The following PAPSS1 variants were observed in gnomAD, a reference collection of about 807,000 sequenced individuals.
PAPSS1 encodes 3'-phosphoadenosine 5'-phosphosulfate synthase 1.
A neutral mutation model predicts 72.0 loss-of-function variants in PAPSS1; 50 were observed. That is an observed-to-expected ratio of 0.69 (90% confidence interval 0.55 to 0.88). The LOEUF (loss-of-function observed/expected upper bound fraction) is 0.88, where lower values mean the gene tolerates loss of function less well. Among genes scored for constraint, PAPSS1 ranks in the 40% least tolerant of loss-of-function variants. The pLI, the probability that PAPSS1 is intolerant of heterozygous loss-of-function variation, is 0.00. For missense variants in PAPSS1, 657 were observed against 782.2 expected (o/e 0.84, Z 1.91); for synonymous variants, 261 against 263.6 (o/e 0.99, Z 0.09).
At chr4:107,683,932 C>T (rs1218193204) in intron 4 of PAPSS1, among the ~76,000 whole-genome samples, 1 of 150,918 alleles carries the variant, frequency 6.6e-6, no homozygotes, top group Admixed American at 6.7e-5. Context: ...ACTCCAGCAC[C>T]ATGGCAAACC....
intron 5 of PAPSS1, among the ~76,000 whole-genome samples, chr4:107,679,770 C>T (rs745880802): frequency 6.6e-6 from 1 of 151,800 alleles, no homozygotes; most frequent in Non-Finnish European, 1.5e-5. Context: ...CTTCCACCCC[C>T]CCAGATTCAA....
intron 5 of PAPSS1, among the ~76,000 whole-genome samples, chr4:107,668,189 C>A (rs1247019324): frequency 1.3e-5 from 2 of 152,174 alleles, no homozygotes; most frequent in Admixed American, 6.5e-5. Context: ...TGTGTGCAAA[C>A]CTCTCCCTAA....
At chr4:107,668,035 G>A (rs1727368709) in intron 5 of PAPSS1, among the ~76,000 whole-genome samples, 1 of 152,130 alleles carries the variant, frequency 6.6e-6, no homozygotes, top group Non-Finnish European at 1.5e-5. Context: ...CTACAGTTAG[G>A]GAACAACTGA....
intron 1 of PAPSS1, among the ~76,000 whole-genome samples, chr4:107,710,294 A>G (rs1026536008): frequency 1.3e-5 from 2 of 152,102 alleles, no homozygotes; most frequent in African/African-American, 4.8e-5. Context: ...CTTACTTAAT[A>G]GTCTGGGTGC....
At chr4:107,699,142 C>T (rs975354217) in intron 2 of PAPSS1, among the ~76,000 whole-genome samples, 80 of 151,808 alleles carry the variant, frequency 5.3e-4, no homozygotes, top group African/African-American at 1.9e-3. Flanking sequence ...AAAGAGTACC[C>T]AATATTCTAA....
chr4:107,692,578 G>C (rs538211815), intron 3 of PAPSS1, among the ~76,000 whole-genome samples: 6 of 152,160 alleles, frequency 3.9e-5, no homozygotes, highest in Non-Finnish European at 8.8e-5. Context: ...ACAGTGCAGT[G>C]AATCCTCAAA....
intron 5 of PAPSS1, among the ~76,000 whole-genome samples, chr4:107,666,906 G>A (rs1374783947): frequency 6.6e-6 from 1 of 152,086 alleles, no homozygotes; most frequent in Non-Finnish European, 1.5e-5. Context: ...CTCAGTTCTT[G>A]GCACAGAGCT....
At chr4:107,650,738 T>C (rs952042482) in intron 9 of PAPSS1, among the ~76,000 whole-genome samples, 3 of 152,128 alleles carry the variant, frequency 2.0e-5, no homozygotes, top group Admixed American at 6.5e-5. Flanking sequence ...AATGACTCCA[T>C]GGTTGGATGA....
chr4:107,657,055 G>T, intron 6 of PAPSS1, 48 bp from the exon 7 acceptor site: 1 of 1,174,288 alleles, frequency 8.5e-7, no homozygotes, highest in Non-Finnish European at 1.3e-6. Flanking sequence ...ATGTATATAT[G>T]AGCAAAAGCA....
At chr4:107,643,801 T>C (rs1413964431) in intron 10 of PAPSS1, among the ~76,000 whole-genome samples, 2 of 152,244 alleles carry the variant, frequency 1.3e-5, no homozygotes, top group Non-Finnish European at 2.9e-5. Flanking sequence ...CTATGAAAGA[T>C]GCACTTTTTC....
chr4:107,656,718 C>T (rs751524833), intron 7 of PAPSS1, among the ~76,000 whole-genome samples, 178 bp downstream of exon 7: 6 of 152,074 alleles, frequency 3.9e-5, no homozygotes, highest in Non-Finnish European at 5.9e-5. Context: ...CACGGAAAAA[C>T]GAAAATGAGA....
chr4:107,614,333 T>C lies in PAPSS1; in HGVS notation c.1791A>G (p.Glu597=), dbSNP rs765550593. 2.1e-5 allele frequency: 34 copies of C among 1,613,930 alleles called. No individual in the cohort carries two copies. The highest frequency in any genetic ancestry group is 2.7e-5 in the Non-Finnish European group (32 of 1,179,904). ...TGAAACCTTCAGGTGGTTTCTGGCCTTCTCGAGCAAGTTTGCGCATTCGTG... is the reference window on the plus strand; with the variant it reads ...TGAAACCTTCAGGTGGTTTCTGGCCCTCTCGAGCAAGTTTGCGCATTCGTG... The part of the protein sequence containing the change: ...SGTRMRKLAR[E]GQKPPEGFMA... The change falls in exon 12 of 12, where the codon GAA becomes GAG. Residue 597 remains glutamate, a synonymous_variant. Transcript: ENST00000265174.
chr4:107,645,018 C>T lies in PAPSS1; in HGVS notation c.1290G>A (p.Leu430=), dbSNP rs765053990. The T allele has an allele frequency of 1.9e-6, 3 of 1,607,562 alleles. No individual in the cohort carries two copies. In the South Asian group the frequency reaches 3.3e-5, roughly 18 times the overall value. ...LRNPVHNGHA[L]LMQDTHKQLL... ...GTTGCTTATGGGTATCCTGCATTAA[C>T]AGGGCATGTCCATTGTGCACTGGGT... is the stretch of plus-strand genomic sequence containing the variant. The change falls in exon 10 of 12, where the codon CTG becomes CTA. Residue 430 remains leucine, a synonymous_variant. Coordinates refer to ENST00000265174, the MANE Select transcript of PAPSS1 (RefSeq NM_005443.5).
chr4:107,680,680 G>A (rs1349849136), intron 5 of PAPSS1, among the ~76,000 whole-genome samples: 1 of 152,198 alleles, frequency 6.6e-6, no homozygotes, highest in Non-Finnish European at 1.5e-5. Context: ...ACAGTGGTGG[G>A]CTTTTAATCA....
intron 5 of PAPSS1, among the ~76,000 whole-genome samples, chr4:107,681,451 T>A (rs764507140): frequency 1.6e-4 from 24 of 152,036 alleles, no homozygotes; most frequent in Non-Finnish European, 3.2e-4. Context: ...CAGACTAAAG[T>A]CTGAAGGAAC....
intron 7 of PAPSS1, among the ~76,000 whole-genome samples, chr4:107,656,336 G>T (rs1727004813): frequency 6.6e-6 from 1 of 152,128 alleles, no homozygotes; most frequent in Non-Finnish European, 1.5e-5. Flanking sequence ...AGTTGGTCTT[G>T]AACTCCTGAC....
At chr4:107,662,107 G>T (rs999632512) in intron 5 of PAPSS1, among the ~76,000 whole-genome samples, 1 of 152,088 alleles carries the variant, frequency 6.6e-6, no homozygotes. Context: ...AAAAGAAAAC[G>T]TAATATTAAA....
intron 10 of PAPSS1, among the ~76,000 whole-genome samples, chr4:107,635,685 T>A (rs181394576): frequency 1.3e-5 from 2 of 152,042 alleles, no homozygotes; most frequent in Admixed American, 1.3e-4. Context: ...ATAAAACCAC[T>A]TAAAAAATAA....
chr4:107,698,751 A>G (rs941241120), intron 2 of PAPSS1, among the ~76,000 whole-genome samples: 4 of 152,148 alleles, frequency 2.6e-5, no homozygotes, highest in African/African-American at 7.2e-5. Context: ...GGGCCCCACA[A>G]CATTGTGAGT....
Sources: allele counts gnomAD v4.1 joint callset (sites outside exome capture counted in the v4.1 genomes callset), GRCh38; gene constraint gnomAD v4.1.1; transcripts MANE v1.5; gene names NCBI Gene and HGNC (gene_info 2026-07-23, HGNC 2026-07-21).